Variants in CSMD1 observed in about 807,000 individuals in gnomAD.
The protein encoded by CSMD1 is CUB and Sushi multiple domains 1.
A neutral mutation model predicts 417.5 loss-of-function variants in CSMD1; 213 were observed. The observed-to-expected ratio is 0.51, with a 90% CI of 0.46 to 0.57. The LOEUF is 0.57. Among genes scored for constraint, CSMD1 ranks in the 20% least tolerant of loss-of-function variants. CSMD1 has a pLI of 0.00. For synonymous variants in CSMD1, 2,862 were observed against 1,736.8 expected (o/e 1.65, Z -16.11); for missense variants, 6,923 against 4,529.7 (o/e 1.53, Z -15.17).
intron 3 of CSMD1, among the ~76,000 whole-genome samples, chr8:4,262,147 A>C (rs188787290): frequency 6.6e-5 from 10 of 152,154 alleles, no homozygotes; most frequent in Admixed American, 5.9e-4. Context: ...TAATTCTGCT[A>C]TTTGTAGATT....
chr8:4,398,388 CTTT>C (rs767579097), intron 3 of CSMD1, among the ~76,000 whole-genome samples: 1 of 114,494 alleles, frequency 8.7e-6, no homozygotes, highest in Non-Finnish European at 1.7e-5. Flanking sequence ...GCTGCAACTT[CTTT>C]TTTTTTTTTT....
chr8:3,218,468 G>A (rs995868526), intron 29 of CSMD1, among the ~76,000 whole-genome samples: 27 of 151,058 alleles, frequency 1.8e-4, no homozygotes, highest in African/African-American at 5.3e-4. Flanking sequence ...GGCTGAGGAA[G>A]GAGAATCGCT....
At chr8:3,032,264 A>C (rs1810390783) in intron 50 of CSMD1, among the ~76,000 whole-genome samples, 2 of 152,024 alleles carry the variant, frequency 1.3e-5, no homozygotes, top group South Asian at 2.1e-4. Context: ...ACATACAAAA[A>C]AAACTGAGTT....
At chr8:3,936,388 G>T (rs1026818414) in intron 5 of CSMD1, among the ~76,000 whole-genome samples, 4 of 152,142 alleles carry the variant, frequency 2.6e-5, no homozygotes, top group East Asian at 1.9e-4. Context: ...CTAGAGAAAA[G>T]AAGTCAATGA....
intron 7 of CSMD1, among the ~76,000 whole-genome samples, chr8:3,668,068 A>T (rs1322585598): frequency 6.6e-6 from 1 of 152,146 alleles, no homozygotes; most frequent in African/African-American, 2.4e-5. Context: ...GCTCAGTCTC[A>T]ATCAGGTGCA....
intron 3 of CSMD1, among the ~76,000 whole-genome samples, chr8:4,329,013 C>A (rs1216544547): frequency 2.0e-5 from 3 of 152,120 alleles, no homozygotes; most frequent in African/African-American, 7.2e-5. Context: ...TCTTGGGCTT[C>A]CAACATCAAT....
At chr8:3,293,494 G>T (rs1217991377) in intron 25 of CSMD1, among the ~76,000 whole-genome samples, 1 of 152,082 alleles carries the variant, frequency 6.6e-6, no homozygotes, top group East Asian at 1.9e-4. Flanking sequence ...TTTTCACATA[G>T]TCCCATATTT....
At chr8:3,383,123 G>A (rs1002275888) in intron 18 of CSMD1, among the ~76,000 whole-genome samples, 3 of 152,050 alleles carry the variant, frequency 2.0e-5, no homozygotes, top group Admixed American at 2.0e-4. Flanking sequence ...ATTTTTAGAT[G>A]GATTGAAGTT....
chr8:4,058,013 G>A (rs12680235), intron 3 of CSMD1, among the ~76,000 whole-genome samples: 1 of 151,510 alleles, frequency 6.6e-6, no homozygotes, highest in East Asian at 2.0e-4. Context: ...ACTTGGCAAT[G>A]TGGGCTCTTT....
chr8:4,288,250 G>C (rs926599995), intron 3 of CSMD1, among the ~76,000 whole-genome samples: 4 of 152,120 alleles, frequency 2.6e-5, no homozygotes, highest in African/African-American at 9.7e-5. Flanking sequence ...GCCTTCATGA[G>C]TTTCTGACAT....
chr8:4,293,122 G>T (rs1006019496), intron 3 of CSMD1, among the ~76,000 whole-genome samples: 2 of 152,106 alleles, frequency 1.3e-5, no homozygotes, highest in Non-Finnish European at 2.9e-5. Context: ...TACCAGCATC[G>T]CCCTCTCAGT....
At chr8:4,143,578 G>C (rs34566854) in intron 3 of CSMD1, among the ~76,000 whole-genome samples, 45,277 of 150,742 alleles carry the variant, frequency 0.3, 8,457 homozygotes, top group Non-Finnish European at 0.39. Context: ...ACCCACAGTT[G>C]TCAACCCCTT....
At chr8:3,732,231 G>C (rs745616871) in intron 6 of CSMD1, among the ~76,000 whole-genome samples, 3 of 152,160 alleles carry the variant, frequency 2.0e-5, no homozygotes, top group Non-Finnish European at 2.9e-5. Context: ...AGTTTCGCCC[G>C]AGGCCACCCT....
chr8:4,169,620 G>A (rs1007073241), intron 3 of CSMD1, among the ~76,000 whole-genome samples: 3 of 152,092 alleles, frequency 2.0e-5, no homozygotes, highest in African/African-American at 4.8e-5. Flanking sequence ...GAGAAAAAGT[G>A]CATCAGTCCC....
chr8:3,435,933 T>G (rs1814531052), intron 12 of CSMD1, among the ~76,000 whole-genome samples: 1 of 152,220 alleles, frequency 6.6e-6, no homozygotes, highest in Non-Finnish European at 1.5e-5. Context: ...CTGGTCTTCC[T>G]GCAATTAACC....
intron 26 of CSMD1, chr8:3,278,641 G>C (rs942698248): frequency 1.7e-5 from 2 of 119,678 alleles, no homozygotes; most frequent in Non-Finnish European, 3.6e-5. Context: ...CTAATTTATA[G>C]GTAAAGTTCC....
intron 52 of CSMD1, among the ~76,000 whole-genome samples, chr8:3,012,267 A>T (rs1485059545): frequency 6.6e-6 from 1 of 152,232 alleles, no homozygotes; most frequent in Admixed American, 6.5e-5. Flanking sequence ...CACAGCATGG[A>T]TTGAGTTCTT....
chr8:3,151,149 G>T (rs548363641), intron 40 of CSMD1: 114 of 371,488 alleles, frequency 3.1e-4, no homozygotes, highest in Non-Finnish European at 4.2e-4. Flanking sequence ...TTTGTACTTC[G>T]TATGCCTACT....
intron 1 of CSMD1, among the ~76,000 whole-genome samples, chr8:4,952,434 ATACT>A (rs1438145334): frequency 6.6e-6 from 1 of 152,110 alleles, no homozygotes; most frequent in African/African-American, 2.4e-5. Flanking sequence ...TTAGTGAGTC[ATACT>A]TACTGGATTT....
Sources: allele counts gnomAD v4.1 joint callset (sites outside exome capture counted in the v4.1 genomes callset), GRCh38; gene constraint gnomAD v4.1.1; transcripts MANE v1.5; gene names NCBI Gene and HGNC (gene_info 2026-07-23, HGNC 2026-07-21).